GALNTL6: variants seen among roughly 807,000 people sequenced by gnomAD.
GALNTL6 encodes polypeptide N-acetylgalactosaminyltransferase like 6.
A neutral mutation model predicts 73.7 loss-of-function variants in GALNTL6; 46 were observed. The observed-to-expected ratio is 0.62, with a 90% CI of 0.49 to 0.80. GALNTL6 has a LOEUF of 0.80. GALNTL6 is among the 30% of genes least tolerant of loss of function. The pLI is 0.00. For synonymous variants in GALNTL6, 259 were observed against 263.7 expected (o/e 0.98, Z 0.17); for missense variants, 604 against 755.0 (o/e 0.80, Z 2.34).
chr4:171,980,077 C>T, intron 2 of GALNTL6, among the ~76,000 whole-genome samples: 1 of 152,174 alleles, frequency 6.6e-6, no homozygotes, highest in South Asian at 2.1e-4. Context: ...TTAAATAAAA[C>T]AAACCTATGT....
chr4:172,370,452 C>T (rs1217827743), intron 5 of GALNTL6, among the ~76,000 whole-genome samples: 2 of 151,344 alleles, frequency 1.3e-5, no homozygotes, highest in Non-Finnish European at 2.9e-5. Context: ...GGTGAAACCC[C>T]ATCTCTACTA....
chr4:172,051,904 C>A (rs1730883920), intron 2 of GALNTL6, among the ~76,000 whole-genome samples: 1 of 152,086 alleles, frequency 6.6e-6, no homozygotes, highest in South Asian at 2.1e-4. Flanking sequence ...AGGCTTTGGG[C>A]CAAAGGGTGT....
At chr4:172,627,612 A>G (rs1739217923) in intron 5 of GALNTL6, among the ~76,000 whole-genome samples, 1 of 151,804 alleles carries the variant, frequency 6.6e-6, no homozygotes, top group Non-Finnish European at 1.5e-5. Context: ...TCAGCTGTGA[A>G]TCCATCTGGT....
At chr4:172,962,809 T>C (rs930367639) in intron 10 of GALNTL6, among the ~76,000 whole-genome samples, 2 of 152,162 alleles carry the variant, frequency 1.3e-5, no homozygotes, top group African/African-American at 2.4e-5. Context: ...GTAAAGGATA[T>C]GTTACAGACC....
chr4:171,910,398 C>A (rs1342507867), intron 2 of GALNTL6, among the ~76,000 whole-genome samples: 2 of 151,742 alleles, frequency 1.3e-5, no homozygotes, highest in Non-Finnish European at 2.9e-5. Context: ...AAAAAAAGAC[C>A]CAAAACCAAT....
At chr4:172,659,530 C>A (rs1731261418) in intron 5 of GALNTL6, among the ~76,000 whole-genome samples, 1 of 151,670 alleles carries the variant, frequency 6.6e-6, no homozygotes, top group African/African-American at 2.4e-5. Flanking sequence ...ATTCCCCCAT[C>A]CCCTCACCCC....
rs550428826 is a variant in GALNTL6, at chr4:172,319,319, T to A, written c.386+7567T>A. 3.1e-3 allele frequency among the ~76,000 whole-genome samples: 469 copies of A among 152,312 alleles called. 2 individuals carry two copies. Among genetic ancestry groups the A allele is most frequent in the African/African-American group, 6.4e-3 (266 of 41,562 alleles). On this transcript the variant is annotated intron_variant, in intron 4 of 12. Coordinates refer to ENST00000506823, the MANE Select transcript of GALNTL6 (RefSeq NM_001034845.3). ...TCTGTAAATCTAATGCTCATTCAAA[T>A]TAAAAAATTAAAGTAGATATATCAC... is the stretch of plus-strand genomic sequence containing the variant.
At chr4:172,106,993 C>A (rs1732692035) in intron 2 of GALNTL6, among the ~76,000 whole-genome samples, 1 of 152,202 alleles carries the variant, frequency 6.6e-6, no homozygotes, top group Non-Finnish European at 1.5e-5. Context: ...CCTGCCTCAG[C>A]CTCCCTAGTA....
chr4:172,661,928 C>G (rs1009860632), intron 5 of GALNTL6, among the ~76,000 whole-genome samples: 5 of 152,076 alleles, frequency 3.3e-5, no homozygotes, highest in African/African-American at 1.2e-4. Flanking sequence ...GTGGATCATG[C>G]AAATGTATAA....
intron 5 of GALNTL6, among the ~76,000 whole-genome samples, chr4:172,455,910 C>T (rs1490241873): frequency 1.3e-5 from 2 of 152,178 alleles, no homozygotes; most frequent in African/African-American, 4.8e-5. Context: ...CTGGGAGACA[C>T]CTCCCAGCAG....
Position 172,403,875 on chromosome 4 carries a change from AT to A in GALNTL6, c.553+55187del, listed in dbSNP as rs531260568. Among the ~76,000 whole-genome samples, 27 of 152,100 alleles carry A rather than the reference AT, an allele frequency of 1.8e-4. No individual in the cohort carries two copies. In the South Asian group the frequency reaches 5.6e-3, roughly 32 times the overall value. On this transcript the variant is annotated intron_variant, in intron 5 of 12. Transcript: ENST00000506823. ...TTGATACTTTTACTAAATGCCAACTATCTGGAATATAGAAATAAAGTGACAG... is the reference window on the plus strand; with the variant it reads ...TTGATACTTTTACTAAATGCCAACTACTGGAATATAGAAATAAAGTGACAG...
intron 2 of GALNTL6, among the ~76,000 whole-genome samples, chr4:171,942,811 T>C (rs1738591582): frequency 6.6e-6 from 1 of 152,224 alleles, no homozygotes; most frequent in Non-Finnish European, 1.5e-5. Flanking sequence ...AAGTGTCTGA[T>C]GTGATGGTTG....
intron 2 of GALNTL6, among the ~76,000 whole-genome samples, chr4:171,911,246 A>G (rs1292707920): frequency 6.6e-6 from 1 of 152,026 alleles, no homozygotes; most frequent in Non-Finnish European, 1.5e-5. Flanking sequence ...TGCAGCCTCT[A>G]CCTCCCAGGC....
intron 3 of GALNTL6, among the ~76,000 whole-genome samples, chr4:172,267,338 A>T (rs1307500712): frequency 6.6e-6 from 1 of 152,122 alleles, no homozygotes; most frequent in Non-Finnish European, 1.5e-5. Flanking sequence ...CTTCTAGGTA[A>T]ATAAAACAGT....
At chr4:171,853,985 T>C (rs1735608886) in intron 2 of GALNTL6, among the ~76,000 whole-genome samples, 1 of 152,252 alleles carries the variant, frequency 6.6e-6, no homozygotes, top group South Asian at 2.1e-4. Context: ...CATGCAGCAC[T>C]GGAAATAAAC....
intron 4 of GALNTL6, among the ~76,000 whole-genome samples, chr4:172,319,501 A>G (rs1487799524): frequency 1.3e-5 from 2 of 152,160 alleles, no homozygotes; most frequent in African/African-American, 4.8e-5. Flanking sequence ...AAAACTATTA[A>G]TTTTATTCTC....
At chr4:172,300,842 T>G (rs1739887045) in intron 3 of GALNTL6, among the ~76,000 whole-genome samples, 1 of 152,160 alleles carries the variant, frequency 6.6e-6, no homozygotes. Flanking sequence ...GACAATTATG[T>G]GTCTTGGAGT....
chr4:172,308,426 A>G (rs1561018607), intron 3 of GALNTL6, among the ~76,000 whole-genome samples: 1 of 151,870 alleles, frequency 6.6e-6, no homozygotes, highest in East Asian at 1.9e-4. Flanking sequence ...AAATGCTGTG[A>G]ACTCCCTCCT....
intron 5 of GALNTL6, among the ~76,000 whole-genome samples, chr4:172,448,399 C>G (rs1008488230): frequency 2.0e-5 from 3 of 151,940 alleles, no homozygotes; most frequent in Non-Finnish European, 4.4e-5. Flanking sequence ...AGAAGTTGAC[C>G]CAGGTGAGAC....
Sources: allele counts gnomAD v4.1 joint callset (sites outside exome capture counted in the v4.1 genomes callset), GRCh38; gene constraint gnomAD v4.1.1; transcripts MANE v1.5; gene names NCBI Gene and HGNC (gene_info 2026-07-23, HGNC 2026-07-21).